DPYD: variants seen among roughly 807,000 people sequenced by gnomAD.
DPYD encodes the protein dihydropyrimidine dehydrogenase.
A neutral mutation model predicts 116.2 loss-of-function variants in DPYD; 109 were observed. The observed-to-expected ratio is 0.94, with a 90% confidence interval of 0.80 to 1.10. The LOEUF (loss-of-function observed/expected upper bound fraction) is 1.10. DPYD is among the 50% of genes least tolerant of loss of function. The pLI, the probability that DPYD is intolerant of heterozygous loss-of-function variation, is 0.00. For synonymous variants in DPYD, 440 were observed against 432.0 expected (o/e 1.02, Z -0.23); for missense variants, 1,302 against 1,254.5 (o/e 1.04, Z -0.57).
intron 18 of DPYD, among the ~76,000 whole-genome samples, chr1:97,298,300 T>C (rs780059734): frequency 6.6e-6 from 1 of 152,070 alleles, no homozygotes; most frequent in African/African-American, 2.4e-5. Context: ...CCAAGCCTTA[T>C]GTATCAGAAA....
At chr1:97,594,978 T>C in intron 9 of DPYD, 81 bp downstream of exon 9, 1 of 1,154,224 alleles carries the variant, frequency 8.7e-7, no homozygotes, top group Non-Finnish European at 1.3e-6. Flanking sequence ...AACAATGTGC[T>C]GCTGAGCTTG....
chr1:97,227,127 C>T (rs767610445), intron 19 of DPYD, among the ~76,000 whole-genome samples: 5 of 151,754 alleles, frequency 3.3e-5, no homozygotes, highest in Admixed American at 6.6e-5. Flanking sequence ...AAGATCGAGA[C>T]CATCCTGGCC....
intron 3 of DPYD, among the ~76,000 whole-genome samples, chr1:97,774,306 T>C (rs998629394): frequency 2.0e-5 from 3 of 152,140 alleles, no homozygotes; most frequent in Admixed American, 6.5e-5. Flanking sequence ...AGTAAAAGGA[T>C]CTGTTTGCCC....
At chr1:97,570,341 C>T (rs917014533) in intron 11 of DPYD, among the ~76,000 whole-genome samples, 4 of 151,942 alleles carry the variant, frequency 2.6e-5, no homozygotes, top group African/African-American at 9.7e-5. Flanking sequence ...TATATGTACT[C>T]TGTCAAGTTT....
chr1:97,430,503 T>C (rs1208040862), intron 14 of DPYD, among the ~76,000 whole-genome samples: 1 of 152,036 alleles, frequency 6.6e-6, no homozygotes, highest in African/African-American at 2.4e-5. Flanking sequence ...TTATTTAGCA[T>C]GCTTGAACCC....
intron 4 of DPYD, among the ~76,000 whole-genome samples, chr1:97,727,017 A>G (rs988978297): frequency 6.6e-6 from 1 of 151,748 alleles, no homozygotes; most frequent in Admixed American, 6.6e-5. Flanking sequence ...TAAAATTTGT[A>G]GGAGGTTAAA....
intron 1 of DPYD, among the ~76,000 whole-genome samples, chr1:97,910,075 T>C (rs1304353148): frequency 1.3e-5 from 2 of 152,120 alleles, no homozygotes; most frequent in African/African-American, 2.4e-5. Flanking sequence ...CAGGGAGGCC[T>C]TCTCTGACTA....
chr1:97,092,082 C>A (rs1314066513), intron 21 of DPYD, among the ~76,000 whole-genome samples: 4 of 152,082 alleles, frequency 2.6e-5, no homozygotes, highest in African/African-American at 7.2e-5. Context: ...TGTTCCCTGG[C>A]CAGTCTCTCT....
chr1:97,843,380 CAT>C (rs1282190562), intron 2 of DPYD, among the ~76,000 whole-genome samples: 2 of 152,266 alleles, frequency 1.3e-5, no homozygotes, highest in East Asian at 3.9e-4. Flanking sequence ...TATTTTACCT[CAT>C]AGCAAATAAT....
chr1:97,235,429 C>T (rs1015418439), intron 18 of DPYD, among the ~76,000 whole-genome samples: 1 of 152,048 alleles, frequency 6.6e-6, no homozygotes, highest in East Asian at 1.9e-4. Context: ...ACTAGCCTGG[C>T]CAACATGGTG....
chr1:97,612,330 T>C (rs1655997071), intron 8 of DPYD, among the ~76,000 whole-genome samples: 1 of 152,078 alleles, frequency 6.6e-6, no homozygotes, highest in South Asian at 2.1e-4. Context: ...TGTTGGTGCA[T>C]GCCTAATGCT....
chr1:97,171,988 G>C (rs1279648240), intron 20 of DPYD, among the ~76,000 whole-genome samples: 3 of 152,154 alleles, frequency 2.0e-5, no homozygotes, highest in African/African-American at 7.2e-5. Flanking sequence ...TAAAACAAAG[G>C]GATCTTGATG....
At chr1:97,286,304 G>T (rs1436314224) in intron 18 of DPYD, among the ~76,000 whole-genome samples, 1 of 152,116 alleles carries the variant, frequency 6.6e-6, no homozygotes, top group African/African-American at 2.4e-5. Flanking sequence ...TAGTCTGATG[G>T]GCTTCCCTTT....
chr1:97,872,077 G>C (rs2101618547), intron 2 of DPYD, among the ~76,000 whole-genome samples: 1 of 151,868 alleles, frequency 6.6e-6, no homozygotes, highest in East Asian at 2.0e-4. Flanking sequence ...ACCAATAATT[G>C]GAGCTAAGCA....
chr1:97,855,978 T>C (rs1670820257), intron 2 of DPYD: 1 of 152,242 alleles, frequency 6.6e-6, no homozygotes, highest in Admixed American at 6.5e-5. Flanking sequence ...GACGACGACA[T>C]GGATGCTAAG....
intron 1 of DPYD, among the ~76,000 whole-genome samples, chr1:97,889,228 G>T (rs1367527689): frequency 6.6e-6 from 1 of 151,904 alleles, no homozygotes; most frequent in African/African-American, 2.4e-5. Flanking sequence ...TCTTCAGGCA[G>T]AAAGTAAGTA....
intron 3 of DPYD, among the ~76,000 whole-genome samples, chr1:97,752,187 C>T (rs764400239): frequency 7.9e-5 from 12 of 151,954 alleles, no homozygotes; most frequent in Non-Finnish European, 1.6e-4. Flanking sequence ...CCTCTTAGAA[C>T]TGTTGAGTTT....
chr1:97,545,265 A>T (rs1570935278), intron 12 of DPYD, among the ~76,000 whole-genome samples: 3 of 152,316 alleles, frequency 2.0e-5, no homozygotes, highest in Admixed American at 2.0e-4. Context: ...CTGAGACTCT[A>T]GCCTTTCCTA....
chr1:97,900,873 C>A (rs1227331770), intron 1 of DPYD, among the ~76,000 whole-genome samples: 1 of 151,860 alleles, frequency 6.6e-6, no homozygotes, highest in African/African-American at 2.4e-5. Flanking sequence ...TCCCAAGATA[C>A]ACCATGCAAA....
Sources: allele counts gnomAD v4.1 joint callset (sites outside exome capture counted in the v4.1 genomes callset), GRCh38; gene constraint gnomAD v4.1.1; transcripts MANE v1.5; gene names NCBI Gene and HGNC (gene_info 2026-07-23, HGNC 2026-07-21).